ULK4: variants seen among roughly 807,000 people sequenced by gnomAD.
ULK4 encodes inactive serine/threonine-protein kinase ULK4.
Under a neutral mutation model 160.6 loss-of-function variants are expected in ULK4, and 133 were observed. The observed-to-expected ratio is 0.83, with a 90% confidence interval of 0.72 to 0.96. ULK4 has a LOEUF of 0.96. Ranked by LOEUF, ULK4 falls within the 40% of genes least tolerant of loss-of-function variation. The pLI is 0.00. For synonymous variants in ULK4, 534 were observed against 539.8 expected (o/e 0.99, Z 0.15); for missense variants, 1,580 against 1,499.5 (o/e 1.05, Z -0.89).
chr3:41,689,470 C>T (rs2036209910), intron 27 of ULK4, among the ~76,000 whole-genome samples: 1 of 152,112 alleles, frequency 6.6e-6, no homozygotes. Context: ...TTTCTCTGCA[C>T]AGCAAAAGAA....
chr3:41,457,659 A>G (rs1331801224), intron 33 of ULK4, among the ~76,000 whole-genome samples: 2 of 152,072 alleles, frequency 1.3e-5, no homozygotes, highest in Non-Finnish European at 2.9e-5. Flanking sequence ...CAATTTCCCA[A>G]CATCAGACTC....
chr3:41,416,890 A>C (rs1210450004), intron 34 of ULK4, among the ~76,000 whole-genome samples: 1 of 152,190 alleles, frequency 6.6e-6, no homozygotes, highest in East Asian at 1.9e-4. Context: ...TAAGGAATTA[A>C]AGCATTTCAT....
At chr3:41,780,084 G>A (rs917012725) in intron 21 of ULK4, among the ~76,000 whole-genome samples, 9 of 151,868 alleles carry the variant, frequency 5.9e-5, no homozygotes, top group Non-Finnish European at 1.2e-4. Flanking sequence ...GGCTGAGGCA[G>A]GTGGATCACC....
At chr3:41,693,652 C>T (rs1330981580) in intron 27 of ULK4, among the ~76,000 whole-genome samples, 1 of 152,010 alleles carries the variant, frequency 6.6e-6, no homozygotes, top group Non-Finnish European at 1.5e-5. Context: ...AACCAGAAAA[C>T]AATGAAGCTG....
chr3:41,732,476 T>C (rs562739065), intron 22 of ULK4, among the ~76,000 whole-genome samples: 3 of 152,076 alleles, frequency 2.0e-5, no homozygotes, highest in African/African-American at 4.8e-5. Flanking sequence ...ATGACAAATA[T>C]TGGCATAGAT....
At chr3:41,578,265 A>G (rs549432381) in intron 31 of ULK4, among the ~76,000 whole-genome samples, 3 of 152,326 alleles carry the variant, frequency 2.0e-5, no homozygotes, top group African/African-American at 7.2e-5. Context: ...AAAAATCAGC[A>G]GCAAAAGGCA....
chr3:41,412,678 G>A (rs749790641), intron 34 of ULK4, among the ~76,000 whole-genome samples: 5 of 148,838 alleles, frequency 3.4e-5, no homozygotes, highest in Non-Finnish European at 7.4e-5. Flanking sequence ...CTCATGCTTC[G>A]GGCTCCTAAG....
chr3:41,656,075 C>T (rs1289211508), intron 30 of ULK4, among the ~76,000 whole-genome samples: 1 of 152,080 alleles, frequency 6.6e-6, no homozygotes, highest in Admixed American at 6.6e-5. Context: ...ACTTTTCCCC[C>T]CAGTTTTTTG....
At chr3:41,334,162 T>C (rs1422346528) in intron 35 of ULK4, among the ~76,000 whole-genome samples, 1 of 152,068 alleles carries the variant, frequency 6.6e-6, no homozygotes, top group Non-Finnish European at 1.5e-5. Flanking sequence ...ATGGTTGCTG[T>C]GGTGATGGGA....
intron 31 of ULK4, among the ~76,000 whole-genome samples, chr3:41,614,924 G>C (rs1396809481): frequency 6.6e-6 from 1 of 152,148 alleles, no homozygotes; most frequent in African/African-American, 2.4e-5. Flanking sequence ...TGTGCCTTGT[G>C]CTGTTACTGA....
chr3:41,833,293 T>G (rs560394246), intron 18 of ULK4, among the ~76,000 whole-genome samples: 60 of 146,358 alleles, frequency 4.1e-4, no homozygotes, highest in Admixed American at 6.1e-4. Context: ...TTTGTTTTTT[T>G]TTTTTTTGTT....
At chr3:41,307,361 G>GT (rs2079967225) in intron 35 of ULK4, among the ~76,000 whole-genome samples, 2 of 152,164 alleles carry the variant, frequency 1.3e-5, no homozygotes, top group South Asian at 4.1e-4. Flanking sequence ...CCAGCCCTTA[G>GT]TGAAGGTAGG....
intron 35 of ULK4, among the ~76,000 whole-genome samples, chr3:41,347,652 G>A (rs1371145316): frequency 6.6e-6 from 1 of 151,768 alleles, no homozygotes; most frequent in East Asian, 1.9e-4. Flanking sequence ...TGATCAAATC[G>A]TGCACACGTT....
chr3:41,883,450 T>A (rs1230930908), intron 17 of ULK4, among the ~76,000 whole-genome samples: 1 of 152,230 alleles, frequency 6.6e-6, no homozygotes, highest in African/African-American at 2.4e-5. Flanking sequence ...AAGTGTAACA[T>A]ACGTTAACGG....
chr3:41,890,672 CTG>C (rs1697896369), intron 16 of ULK4, among the ~76,000 whole-genome samples: 1 of 140,082 alleles, frequency 7.1e-6, no homozygotes, highest in South Asian at 2.5e-4. Flanking sequence ...GAGCAAGACT[CTG>C]TCTCAAAATA....
At chr3:41,481,634 C>T (rs1385845975) in intron 32 of ULK4, among the ~76,000 whole-genome samples, 2 of 151,314 alleles carry the variant, frequency 1.3e-5, no homozygotes, top group South Asian at 2.1e-4. Flanking sequence ...GAGACCATCC[C>T]GGCTAAAACG....
intron 20 of ULK4, among the ~76,000 whole-genome samples, chr3:41,790,557 C>T (rs2040120987): frequency 6.6e-6 from 1 of 152,124 alleles, no homozygotes; most frequent in African/African-American, 2.4e-5. Flanking sequence ...GAAGATGACG[C>T]TGAGCCAGTT....
At chr3:41,936,323 T>C (rs1172613984) in intron 3 of ULK4, among the ~76,000 whole-genome samples, 3 of 152,212 alleles carry the variant, frequency 2.0e-5, no homozygotes, top group Non-Finnish European at 4.4e-5. Flanking sequence ...TTCTGCAAAG[T>C]ACTGCATGGC....
intron 21 of ULK4, among the ~76,000 whole-genome samples, chr3:41,782,171 T>TTTG (rs59793036): frequency 6.6e-6 from 1 of 151,894 alleles, no homozygotes; most frequent in Non-Finnish European, 1.5e-5. Context: ...TTTTTTTTTT[T>TTTG]GGGCAAGTTC....
Sources: allele counts gnomAD v4.1 joint callset (sites outside exome capture counted in the v4.1 genomes callset), GRCh38; gene constraint gnomAD v4.1.1; transcripts MANE v1.5; gene names NCBI Gene and HGNC (gene_info 2026-07-23, HGNC 2026-07-21).